The following RORC variants were observed in gnomAD, a reference collection of about 807,000 sequenced individuals.
RORC encodes the protein nuclear receptor ROR-gamma.
RORC carries 13 observed loss-of-function variants against 64.5 expected under a neutral mutation model. The observed-to-expected ratio is 0.20, with a 90% confidence interval of 0.13 to 0.32. The LOEUF is 0.32. Among genes scored for constraint, RORC ranks in the 10% least tolerant of loss-of-function variants. The probability of loss-of-function intolerance (pLI) is 1.00; values close to 1 mark genes in which losing one functional copy is unlikely to be tolerated. For missense variants in RORC, 468 were observed against 669.5 expected (o/e 0.70, Z 3.32); for synonymous variants, 277 against 259.3 (o/e 1.07, Z -0.65).
chr1:151,809,185 G>C (rs1459715397), intron 10 of RORC, among the ~76,000 whole-genome samples: 1 of 152,128 alleles, frequency 6.6e-6, no homozygotes, highest in Non-Finnish European at 1.5e-5. Flanking sequence ...GATCACCTGA[G>C]GTCAGGAGTT....
chr1:151,829,373 T>C, intron 2 of RORC, 56 bp downstream of exon 2: 1 of 1,483,898 alleles, frequency 6.7e-7, no homozygotes, highest in Non-Finnish European at 9.0e-7. Context: ...ACTTGCTGAA[T>C]TATTCTCCAT....
intron 2 of RORC, among the ~76,000 whole-genome samples, chr1:151,826,523 T>C (rs1275586453): frequency 6.6e-6 from 1 of 152,200 alleles, no homozygotes; most frequent in African/African-American, 2.4e-5. Flanking sequence ...CCATACCCAG[T>C]GTGGTGCAGC....
Position 151,815,209 on chromosome 1 carries a change from C to T in RORC, c.515G>A (p.Cys172Tyr), listed in dbSNP as rs761804556. The change falls in exon 5 of 11, where the codon TGT (cysteine) becomes TAT (tyrosine). Residue 172 changes from cysteine to tyrosine, a missense_variant. Cys to Tyr is a radical substitution (Grantham distance 194). Transcript: ENST00000318247. ...TGAGGCTTTCAGGAGGCCAGGGGGA[C>T]AGGCAGAAGCCTCAGGCAGGTCAGG... ...SSPDLPEASA[C>Y]PPGLLKASGS... 6.2e-7 allele frequency: 1 copy of T among 1,613,834 alleles called. No individual in the cohort carries two copies. Among genetic ancestry groups the T allele is most frequent in the South Asian group, 1.1e-5 (1 of 91,040 alleles).
At chr1:151,816,380 AG>A (rs1469877976) in intron 4 of RORC, among the ~76,000 whole-genome samples, 11 of 152,330 alleles carry the variant, frequency 7.2e-5, no homozygotes, top group African/African-American at 2.6e-4. Flanking sequence ...AGGGCAGCAG[AG>A]TGAGGAGAAT....
At chr1:151,813,771 A>C (rs1572036792) in intron 6 of RORC, 151 bp from the exon 7 acceptor site, 3 of 826,142 alleles carry the variant, frequency 3.6e-6, no homozygotes, top group East Asian at 5.4e-5. Flanking sequence ...CTTAGCACAA[A>C]TGCACAGATT....
At chr1:151,821,303 C>G (rs1651986637) in intron 2 of RORC, among the ~76,000 whole-genome samples, 1 of 151,858 alleles carries the variant, frequency 6.6e-6, no homozygotes. Flanking sequence ...CCCAGAACCA[C>G]CACCCCCCCA....
At chr1:151,829,356 A>G (rs1277400935) in intron 2 of RORC, 73 bp downstream of exon 2, 1 of 1,417,092 alleles carries the variant, frequency 7.1e-7, no homozygotes, top group Non-Finnish European at 9.5e-7. Context: ...CAGTCCCCCC[A>G]CAGATCACTT....
intron 2 of RORC, among the ~76,000 whole-genome samples, chr1:151,823,542 C>A (rs1252424246): frequency 6.6e-6 from 1 of 152,200 alleles, no homozygotes; most frequent in African/African-American, 2.4e-5. Context: ...CCTGTCTTCC[C>A]TTTACTGCCA....
At position 151,830,836 on chromosome 1, in the gene RORC, C is replaced by G; in HGVS notation, c.40+889G>C. The G allele has an allele frequency of 1.2e-6, 1 of 827,488 alleles. No homozygotes were observed. The highest frequency in any genetic ancestry group is 1.7e-6 in the Non-Finnish European group (1 of 600,176). 51.3% of individuals were successfully genotyped at this position (827,488 alleles called of 1,614,324 possible). On this transcript the variant is annotated intron_variant, in intron 1 of 10. Coordinates refer to ENST00000318247, the MANE Select transcript of RORC (RefSeq NM_005060.4). The surrounding 1 kb of genome is among the most constrained non-coding windows in gnomAD (Gnocchi z 4.0). ...ACCTCCCCTTGCTCCTGCCTGGCCC[C>G]ACCCAGCTTCCTCCCTGACGTGGCA...
chr1:151,819,659 G>T (rs1651906932), intron 2 of RORC, among the ~76,000 whole-genome samples: 1 of 152,128 alleles, frequency 6.6e-6, no homozygotes, highest in African/African-American at 2.4e-5. Flanking sequence ...AGCCACATCC[G>T]CGTGCGTGTG....
chr1:151,814,941 C>T lies in RORC; in HGVS notation c.783G>A (p.Glu261=). 1 of 1,614,058 alleles carries T rather than the reference C, an allele frequency of 6.2e-7. No homozygotes were observed. The highest frequency in any genetic ancestry group is 1.1e-5 in the South Asian group (1 of 91,082). ...TCTCTGTCAGGGAGGCATAGGGTGC[C>T]TCCGGTGTGCTGCGGAAACTGGGGC... ...YGSPSFRSTP[E]APYASLTEIE... is the part of the protein sequence containing the mutation. The change falls in exon 5 of 11, where the codon GAG becomes GAA. Residue 261 remains glutamate, a synonymous_variant. Coordinates refer to ENST00000318247, the MANE Select transcript of RORC (RefSeq NM_005060.4).
chr1:151,813,516 C>A lies in RORC; in HGVS notation c.1038G>T (p.Gln346His), dbSNP rs781406501. Residue 346 changes from glutamine to histidine, a missense_variant, in exon 7 of 11, where the codon CAG becomes CAT. This residue lies in a region of RORC where 100 missense variants were observed against 190.8 expected (regional missense o/e 0.52). Coordinates refer to ENST00000318247, the MANE Select transcript of RORC (RefSeq NM_005060.4). ...CTTTGAGAAGCACAATCTGGTCATT[C>A]TGGCAGAGCTCCATAAAGCCTGAGA... is the stretch of plus-strand genomic sequence containing the variant. ...KRLSGFMELC[Q>H]NDQIVLLKAG... is the part of the protein sequence containing the mutation. 3.1e-6 allele frequency: 5 copies of A among 1,614,072 alleles called. No individual in the cohort carries two copies. The African/African-American group carries it at 5.3e-5, about 17-fold the overall frequency.
At position 151,830,659 on chromosome 1, in the gene RORC, C is replaced by CACACAT. The variant is rs59443678; in HGVS notation, c.40+1065_40+1066insATGTGT. 0.023 allele frequency among the ~76,000 whole-genome samples: 3,235 copies of CACACAT among 139,116 alleles called. 180 individuals carry two copies. The highest frequency in any genetic ancestry group is 0.078 in the African/African-American group (2,917 of 37,490). 91.3% of individuals were successfully genotyped at this position (139,116 alleles called of 152,430 possible). On this transcript the variant is annotated intron_variant, in intron 1 of 10. Transcript: ENST00000318247. The surrounding 1 kb of genome is among the most constrained non-coding windows in gnomAD (Gnocchi z 4.0). ...ACACACACACACACACACACACACA[C>CACACAT]ACAGTGCCCTTCTGCCCGGGAGATG... is the stretch of plus-strand genomic sequence containing the variant.
Position 151,807,272 on chromosome 1 carries a change from C to T in RORC, c.*200G>A. 1 of 538,794 alleles carries T rather than the reference C, an allele frequency of 1.9e-6. No homozygotes were observed. Among genetic ancestry groups the T allele is most frequent in the Non-Finnish European group, 3.3e-6 (1 of 304,164 alleles). 33.4% of individuals were successfully genotyped at this position (538,794 alleles called of 1,614,324 possible). A position where few individuals can be genotyped will look rare whatever the true frequency, so the allele number is the denominator to read the frequency against. On this transcript the variant is annotated 3_prime_UTR_variant, in exon 11 of 11. Transcript: ENST00000318247. The surrounding 1 kb of genome is among the most constrained non-coding windows in gnomAD (Gnocchi z 5.0). The stretch of plus-strand genomic sequence containing the variant: ...AGCTGAGGCTGGAGATGGTGTTCTG[C>T]CAGCCCCACCCTCTGGCGATTGTCC...
At chr1:151,812,865 A>C in intron 9 of RORC, 82 bp downstream of exon 9, 1 of 846,734 alleles carries the variant, frequency 1.2e-6, no homozygotes, top group Non-Finnish European at 2.0e-6. Flanking sequence ...ATTTAACTAC[A>C]TCTGAAGGTC....
chr1:151,810,371 C>A (rs1651473682), intron 10 of RORC, among the ~76,000 whole-genome samples: 1 of 152,024 alleles, frequency 6.6e-6, no homozygotes, highest in Admixed American at 6.5e-5. Context: ...ACTCCTTTTA[C>A]CCCCAAATTA....
chr1:151,809,451 G>A (rs1388827531), intron 10 of RORC, among the ~76,000 whole-genome samples: 1 of 152,094 alleles, frequency 6.6e-6, no homozygotes, highest in Non-Finnish European at 1.5e-5. Flanking sequence ...AACCACAGGA[G>A]TAGGGCATGA....
Position 151,815,543 on chromosome 1 carries a change from A to G in RORC, c.299-118T>C, listed in dbSNP as rs191803067. 3.9e-5 allele frequency: 52 copies of G among 1,322,574 alleles called. No individual in the cohort carries two copies. In the East Asian group the frequency reaches 1.2e-3, roughly 31 times the overall value. 81.9% of individuals were successfully genotyped at this position (1,322,574 alleles called of 1,614,324 possible). A position where few individuals can be genotyped will look rare whatever the true frequency, so the allele number is the denominator to read the frequency against. On this transcript the variant is annotated intron_variant, in intron 4 of 10. Coordinates refer to ENST00000318247, the MANE Select transcript of RORC (RefSeq NM_005060.4). Reference sequence around the variant, plus strand: ...GCTGCTCTCTGAATGGCTGACTCCAAGCACAGCTTCTCTAGCCTTTAGGGA... The same window carrying G: ...GCTGCTCTCTGAATGGCTGACTCCAGGCACAGCTTCTCTAGCCTTTAGGGA...
Position 151,813,597 on chromosome 1 carries a change from C to A in RORC, c.957G>T (p.Arg319=). The A allele has an allele frequency of 1.2e-6, 2 of 1,614,182 alleles. No individual in the cohort carries two copies. The highest frequency in any genetic ancestry group is 1.3e-5 in the African/African-American group (1 of 75,056). The change falls in exon 7 of 11, where the codon CGG becomes CGT. Residue 319 remains arginine, a synonymous_variant. Transcript: ENST00000318247. ...TGGCCTCGGTGAGGTGGTGGGCACA[C>A]CGTTCCCACATCTCCCACATGGACT... ...QRKSMWEMWE[R]CAHHLTEAIQ...
Sources: allele counts gnomAD v4.1 joint callset (sites outside exome capture counted in the v4.1 genomes callset), GRCh38; gene constraint gnomAD v4.1.1; regional missense constraint gnomAD v4.1.1; non-coding constraint Gnocchi (gnomAD v3.1); transcripts MANE v1.5; gene names NCBI Gene and HGNC (gene_info 2026-07-23, HGNC 2026-07-21).